Variants in SHQ1 observed in about 807,000 individuals in gnomAD.
SHQ1 encodes the protein protein SHQ1 homolog.
Under a neutral mutation model 53.8 loss-of-function variants are expected in SHQ1, and 49 were observed. The observed-to-expected ratio is 0.91, with a 90% CI of 0.72 to 1.16. The LOEUF is 1.16. SHQ1 is among the 50% of genes most tolerant of loss of function. The pLI, the probability that SHQ1 is intolerant of heterozygous loss-of-function variation, is 0.00. For synonymous variants in SHQ1, 243 were observed against 251.0 expected (o/e 0.97, Z 0.30); for missense variants, 738 against 683.1 (o/e 1.08, Z -0.90).
chr3:72,819,013 T>C (rs1707400147), intron 6 of SHQ1, among the ~76,000 whole-genome samples: 1 of 152,208 alleles, frequency 6.6e-6, no homozygotes, highest in Admixed American at 6.5e-5. Context: ...ATAAGATGGA[T>C]ATCTTTGGCT....
the SHQ1 span, among the ~76,000 whole-genome samples, chr3:72,741,431 C>T: frequency 2.6e-5 from 4 of 152,190 alleles, 1 homozygote; most frequent in East Asian, 1.9e-4. Flanking sequence ...ACTAAAAATA[C>T]AAAAATTAGC....
chr3:72,782,108 C>A (rs1003369219), intron 10 of SHQ1, among the ~76,000 whole-genome samples: 1 of 152,160 alleles, frequency 6.6e-6, no homozygotes, highest in African/African-American at 2.4e-5. Flanking sequence ...CCTAATTTAT[C>A]ACTTTAAGCT....
intron 9 of SHQ1, among the ~76,000 whole-genome samples, chr3:72,805,164 CAA>C (rs752384518): frequency 1.5e-4 from 22 of 150,666 alleles, no homozygotes; most frequent in Non-Finnish European, 3.0e-4. Flanking sequence ...AAAAGAAAAA[CAA>C]AAAAAAATTA....
At chr3:72,781,895 G>T (rs1178805016) in intron 10 of SHQ1, among the ~76,000 whole-genome samples, 1 of 151,990 alleles carries the variant, frequency 6.6e-6, no homozygotes, top group African/African-American at 2.4e-5. Flanking sequence ...TAGGTAGAAG[G>T]TCTATTACAG....
At chr3:72,827,753 C>CTTTT (rs397877851) in intron 5 of SHQ1, among the ~76,000 whole-genome samples, 10 of 111,688 alleles carry the variant, frequency 9.0e-5, no homozygotes, top group Non-Finnish European at 1.5e-4. Context: ...TTTTTCAAGA[C>CTTTT]TTTTTTTTTT....
At chr3:72,736,483 A>AT in the SHQ1 span, among the ~76,000 whole-genome samples, 19 of 151,214 alleles carry the variant, frequency 1.3e-4, no homozygotes, top group Admixed American at 1.1e-3. Flanking sequence ...ATCATTAAAA[A>AT]TTTTTTTAAA....
chr3:72,731,623 G>A, the SHQ1 span, among the ~76,000 whole-genome samples: 32 of 151,414 alleles, frequency 2.1e-4, no homozygotes, highest in South Asian at 4.2e-4. Flanking sequence ...AGGAGGCAGA[G>A]GTTGTAGTGA....
chr3:72,834,564 G>A (rs1707934186), intron 4 of SHQ1, among the ~76,000 whole-genome samples: 3 of 152,188 alleles, frequency 2.0e-5, no homozygotes, highest in African/African-American at 7.2e-5. Flanking sequence ...GGAACATCCA[G>A]AACATCTTAA....
chr3:72,766,497 A>C (rs960257633), intron 10 of SHQ1, among the ~76,000 whole-genome samples: 1 of 152,226 alleles, frequency 6.6e-6, no homozygotes, highest in Non-Finnish European at 1.5e-5. Context: ...CTTGTTCTTG[A>C]AAAGTAAGAC....
chr3:72,827,089 T>C (rs1707682929), intron 5 of SHQ1, among the ~76,000 whole-genome samples: 1 of 152,106 alleles, frequency 6.6e-6, no homozygotes, highest in Non-Finnish European at 1.5e-5. Context: ...CCTCAGGTTG[T>C]AGGGAATGAA....
intron 4 of SHQ1, among the ~76,000 whole-genome samples, chr3:72,837,103 T>C (rs1708026182): frequency 6.6e-6 from 1 of 152,164 alleles, no homozygotes; most frequent in African/African-American, 2.4e-5. Context: ...GGATTGTTGC[T>C]GCTGGCAGCC....
intron 10 of SHQ1, among the ~76,000 whole-genome samples, chr3:72,754,230 G>A (rs934641104): frequency 7.2e-5 from 11 of 152,242 alleles, no homozygotes; most frequent in Admixed American, 6.5e-5. Flanking sequence ...AGAGCTTGCA[G>A]GGGTAGGAGA....
the SHQ1 span, among the ~76,000 whole-genome samples, chr3:72,729,974 T>C: frequency 6.7e-6 from 1 of 148,830 alleles, no homozygotes; most frequent in African/African-American, 2.5e-5. Context: ...GCCCGCCACC[T>C]CACCAGGCTA....
intron 9 of SHQ1, among the ~76,000 whole-genome samples, chr3:72,803,969 C>A (rs189095901): frequency 6.6e-6 from 1 of 152,126 alleles, no homozygotes; most frequent in African/African-American, 2.4e-5. Flanking sequence ...CAAGCTGCAG[C>A]GCAGTGGCAT....
At chr3:72,832,323 T>C in intron 5 of SHQ1, 46 bp downstream of exon 5, 1 of 1,420,268 alleles carries the variant, frequency 7.0e-7, no homozygotes, top group Non-Finnish European at 9.9e-7. Flanking sequence ...AATTTTAAAA[T>C]AAATGTCAAG....
intron 9 of SHQ1, among the ~76,000 whole-genome samples, chr3:72,800,359 G>A (rs1169369570): frequency 6.6e-6 from 1 of 152,186 alleles, no homozygotes; most frequent in Non-Finnish European, 1.5e-5. Flanking sequence ...CTCTGCACCA[G>A]ATACTTCATA....
intron 6 of SHQ1, among the ~76,000 whole-genome samples, chr3:72,822,541 A>C (rs1257646014): frequency 6.6e-6 from 1 of 152,196 alleles, no homozygotes; most frequent in African/African-American, 2.4e-5. Context: ...CTTGATTTTT[A>C]GGGCAACTAG....
At chr3:72,769,653 C>G (rs1216226600) in intron 10 of SHQ1, among the ~76,000 whole-genome samples, 1 of 152,218 alleles carries the variant, frequency 6.6e-6, no homozygotes, top group Non-Finnish European at 1.5e-5. Flanking sequence ...CTGGCCTCCT[C>G]TTCTTTGAAT....
At chr3:72,799,154 C>CAA (rs200653110) in intron 9 of SHQ1, among the ~76,000 whole-genome samples, 2 of 129,406 alleles carry the variant, frequency 1.5e-5, no homozygotes, top group East Asian at 4.4e-4. Context: ...TCCATCTCTA[C>CAA]AAAAAAAAAA....
Sources: gnomAD v4.1 joint callset for allele counts (sites outside exome capture counted in the v4.1 genomes callset) on GRCh38, gnomAD v4.1.1 for gene constraint, MANE v1.5 for transcripts, NCBI Gene and HGNC (gene_info 2026-07-23, HGNC 2026-07-21) for gene names.